Variants in SNX29 observed in about 807,000 individuals in gnomAD.
SNX29 encodes the protein sorting nexin-29.
In SNX29, 78 loss-of-function variants were observed where a neutral mutation model predicts 102.1. That is an observed-to-expected ratio of 0.76 (90% CI 0.64 to 0.92). SNX29 has a LOEUF of 0.92. SNX29 is among the 40% of genes least tolerant of loss of function. The probability of loss-of-function intolerance (pLI) is 0.00; values close to 1 mark genes in which losing one functional copy is unlikely to be tolerated. For missense variants in SNX29, 1,280 were observed against 1,061.7 expected (o/e 1.21, Z -2.86); for synonymous variants, 580 against 414.5 (o/e 1.40, Z -4.85).
At chr16:12,286,076 C>T (rs914636832) in intron 15 of SNX29, among the ~76,000 whole-genome samples, 13 of 151,812 alleles carry the variant, frequency 8.6e-5, no homozygotes, top group Non-Finnish European at 1.5e-5. Flanking sequence ...CTCCTGACCT[C>T]AAGTGATCCT....
chr16:12,147,038 C>T (rs888834348), intron 13 of SNX29, among the ~76,000 whole-genome samples: 1 of 152,230 alleles, frequency 6.6e-6, no homozygotes, highest in Non-Finnish European at 1.5e-5. Flanking sequence ...TCTAATGCTT[C>T]TAGAATCCAA....
At chr16:12,481,737 G>A (rs2087945863) in intron 19 of SNX29, among the ~76,000 whole-genome samples, 1 of 152,166 alleles carries the variant, frequency 6.6e-6, no homozygotes, top group Admixed American at 6.5e-5. Flanking sequence ...GTTTTGCCAT[G>A]TTGGCCAGGC....
At chr16:12,385,426 G>A (rs1646302) in intron 16 of SNX29, among the ~76,000 whole-genome samples, 15,123 of 152,218 alleles carry the variant, frequency 0.099, 2,021 homozygotes, top group African/African-American at 0.31. Context: ...TCATGGGGCG[G>A]TGGAATTCAC....
At chr16:12,148,458 A>G (rs1359332516) in intron 13 of SNX29, among the ~76,000 whole-genome samples, 1 of 152,034 alleles carries the variant, frequency 6.6e-6, no homozygotes, top group African/African-American at 2.4e-5. Context: ...TAGGGAGTTG[A>G]CGTTAGCTAC....
intron 11 of SNX29, among the ~76,000 whole-genome samples, chr16:12,125,747 G>A (rs991092676): frequency 8.0e-5 from 12 of 150,208 alleles, no homozygotes; most frequent in African/African-American, 2.2e-4. Context: ...ATGAGCCACC[G>A]TGCCCGGCCT....
intron 19 of SNX29, among the ~76,000 whole-genome samples, chr16:12,508,858 A>C (rs1341172188): frequency 6.6e-6 from 1 of 152,138 alleles, no homozygotes; most frequent in Non-Finnish European, 1.5e-5. Context: ...TTGGGGACAC[A>C]CAATGGCCAA....
intron 16 of SNX29, among the ~76,000 whole-genome samples, chr16:12,356,843 C>T (rs1339915617): frequency 6.6e-6 from 1 of 152,238 alleles, no homozygotes; most frequent in African/African-American, 2.4e-5. Flanking sequence ...CCACTAGAGG[C>T]CAGTAGCTTC....
intron 20 of SNX29, among the ~76,000 whole-genome samples, chr16:12,549,637 G>C (rs2077839711): frequency 6.6e-6 from 1 of 152,222 alleles, no homozygotes; most frequent in African/African-American, 2.4e-5. Context: ...TCTGTAAAGA[G>C]CATAGCTGCC....
chr16:12,393,846 T>G (rs2083625097), intron 16 of SNX29, among the ~76,000 whole-genome samples: 1 of 152,208 alleles, frequency 6.6e-6, no homozygotes, highest in Non-Finnish European at 1.5e-5. Flanking sequence ...CCCTTTACCT[T>G]TGTTGATTTT....
At chr16:12,180,569 C>T (rs1379771367) in intron 13 of SNX29, among the ~76,000 whole-genome samples, 2 of 151,858 alleles carry the variant, frequency 1.3e-5, no homozygotes, top group Admixed American at 6.6e-5. Flanking sequence ...CTGCAAGCTA[C>T]GCCTCCCGGG....
rs551097826 is a variant in SNX29, at chr16:12,406,095, C to T, written c.2037+2566C>T. Among the ~76,000 whole-genome samples the T allele has an allele frequency of 6.0e-5, 9 of 150,252 alleles. No individual in the cohort carries two copies. In the South Asian group the frequency reaches 1.1e-3, roughly 18 times the overall value. On this transcript the variant is annotated intron_variant, in intron 18 of 20. Coordinates refer to ENST00000566228, the MANE Select transcript of SNX29 (RefSeq NM_032167.5). ...AGATTTGACATAATTTCTAGAGAAA[C>T]GTCTAAAAAAGAATGATAAAAGAGA... is the stretch of plus-strand genomic sequence containing the variant.
At chr16:12,431,588 A>AC (rs1217410118) in intron 18 of SNX29, among the ~76,000 whole-genome samples, 2 of 152,202 alleles carry the variant, frequency 1.3e-5, no homozygotes, top group East Asian at 3.9e-4. Context: ...TCCCTTAAAA[A>AC]AAAAAGTTGA....
At chr16:12,513,270 T>G (rs2089713531) in intron 19 of SNX29, among the ~76,000 whole-genome samples, 1 of 145,674 alleles carries the variant, frequency 6.9e-6, no homozygotes, top group Admixed American at 6.8e-5. Flanking sequence ...CTCCCCTTCC[T>G]AGTGCTCCCT....
chr16:12,331,870 T>C (rs2081300879), intron 15 of SNX29, among the ~76,000 whole-genome samples: 1 of 152,072 alleles, frequency 6.6e-6, no homozygotes, highest in African/African-American at 2.4e-5. Context: ...GTTTTAAGAA[T>C]TAAACAATTT....
intron 14 of SNX29, among the ~76,000 whole-genome samples, chr16:12,207,324 G>A (rs529407342): frequency 7.9e-5 from 12 of 152,200 alleles, no homozygotes; most frequent in Admixed American, 3.3e-4. Context: ...AGCCAAGATC[G>A]CACCACTTCA....
chr16:12,022,054 C>T (rs1449133224), intron 3 of SNX29, among the ~76,000 whole-genome samples: 13 of 148,680 alleles, frequency 8.7e-5, no homozygotes, highest in Non-Finnish European at 7.4e-5. Context: ...AACTCTTTTG[C>T]TGCTTTATCA....
chr16:12,207,001 A>T (rs990460215), intron 14 of SNX29, among the ~76,000 whole-genome samples: 2 of 152,066 alleles, frequency 1.3e-5, no homozygotes, highest in African/African-American at 4.8e-5. Flanking sequence ...AAATTAATCA[A>T]GGTGCACTTT....
At chr16:12,498,700 A>G (rs1207856727) in intron 19 of SNX29, among the ~76,000 whole-genome samples, 1 of 152,238 alleles carries the variant, frequency 6.6e-6, no homozygotes, top group Admixed American at 6.5e-5. Context: ...TCTGAATAGC[A>G]TAAAAGAGAT....
At chr16:12,562,283 T>A (rs2078769618) in intron 20 of SNX29, among the ~76,000 whole-genome samples, 1 of 152,160 alleles carries the variant, frequency 6.6e-6, no homozygotes, top group Admixed American at 6.5e-5. Context: ...CCACGCTCTA[T>A]CCCAGCATCA....
Sources: allele counts gnomAD v4.1 joint callset (sites outside exome capture counted in the v4.1 genomes callset), GRCh38; gene constraint gnomAD v4.1.1; transcripts MANE v1.5; gene names NCBI Gene and HGNC (gene_info 2026-07-23, HGNC 2026-07-21).